The following ZFPM2 variants were observed in gnomAD, a reference collection of about 807,000 sequenced individuals.
The protein encoded by ZFPM2 is zinc finger protein ZFPM2.
In ZFPM2, 20 loss-of-function variants were observed where a neutral mutation model predicts 98.6. The ratio of observed to expected loss-of-function variants is 0.20; its 90% CI spans 0.14 to 0.29. The LOEUF (loss-of-function observed/expected upper bound fraction) is 0.29. Among genes scored for constraint, ZFPM2 ranks in the 10% least tolerant of loss-of-function variants. The pLI is 1.00. For synonymous variants in ZFPM2, 518 were observed against 502.7 expected (o/e 1.03, Z -0.41); for missense variants, 1,310 against 1,388.6 (o/e 0.94, Z 0.90).
Position 105,512,258 on chromosome 8 carries a change from T to G in ZFPM2, c.302-49105T>G, listed in dbSNP as rs562634560. Among the ~76,000 whole-genome samples, 45 of 152,212 alleles carry G rather than the reference T, an allele frequency of 3.0e-4. 1 individual carries two copies. The highest frequency in any genetic ancestry group is 5.7e-4 in the Non-Finnish European group (39 of 68,028). On this transcript the variant is annotated intron_variant, in intron 3 of 7. Coordinates refer to ENST00000407775, the MANE Select transcript of ZFPM2 (RefSeq NM_012082.4). ...AAAAATATTATTTATATTGCTTACATGTGAAGAGCATAGGTTTTGAAATCA... is the reference window on the plus strand; with the variant it reads ...AAAAATATTATTTATATTGCTTACAGGTGAAGAGCATAGGTTTTGAAATCA...
intron 4 of ZFPM2, among the ~76,000 whole-genome samples, chr8:105,563,355 A>G (rs913315626): frequency 3.9e-5 from 6 of 152,214 alleles, no homozygotes; most frequent in African/African-American, 1.2e-4. Flanking sequence ...ACTTTTAAAG[A>G]GTGCATGAGA....
intron 5 of ZFPM2, among the ~76,000 whole-genome samples, chr8:105,719,810 A>G (rs1486236431): frequency 3.9e-5 from 6 of 151,910 alleles, no homozygotes; most frequent in Admixed American, 1.3e-4. Flanking sequence ...TGAACAATAT[A>G]ATTAGTGGAC....
chr8:105,775,261 A>G (rs140967194), intron 5 of ZFPM2, among the ~76,000 whole-genome samples: 1 of 152,150 alleles, frequency 6.6e-6, no homozygotes, highest in East Asian at 1.9e-4. Flanking sequence ...ATGAACTTGT[A>G]TAATTTATTC....
At chr8:105,387,040 T>A (rs1811006265) in intron 1 of ZFPM2, 1 of 152,580 alleles carries the variant, frequency 6.6e-6, no homozygotes, top group Admixed American at 6.5e-5. Context: ...TTGGTGTATT[T>A]ACAATCCCTT....
intron 5 of ZFPM2, among the ~76,000 whole-genome samples, chr8:105,783,913 A>G (rs1647788614): frequency 6.6e-6 from 1 of 152,140 alleles, no homozygotes; most frequent in Non-Finnish European, 1.5e-5. Context: ...CAAAAGTAGA[A>G]TTGCTAAAAT....
chr8:105,525,401 G>A (rs1814153774), intron 3 of ZFPM2, among the ~76,000 whole-genome samples: 1 of 152,104 alleles, frequency 6.6e-6, no homozygotes, highest in South Asian at 2.1e-4. Context: ...AAAGGTGAGG[G>A]GGCTATTCCG....
At chr8:105,593,536 G>GCTGT (rs991277298) in intron 4 of ZFPM2, among the ~76,000 whole-genome samples, 3 of 151,786 alleles carry the variant, frequency 2.0e-5, no homozygotes, top group African/African-American at 7.3e-5. Context: ...TCCCAAATCT[G>GCTGT]CTGTCCGCAG....
intron 4 of ZFPM2, among the ~76,000 whole-genome samples, chr8:105,628,792 A>G (rs1484792835): frequency 2.0e-5 from 3 of 152,044 alleles, no homozygotes; most frequent in Non-Finnish European, 2.9e-5. Flanking sequence ...CCATCCTTCA[A>G]TTTGTTCATG....
At chr8:105,348,445 T>C (rs2957452) in intron 1 of ZFPM2, among the ~76,000 whole-genome samples, 126,172 of 152,192 alleles carry the variant, frequency 0.83, 52,470 homozygotes, top group East Asian at 0.97. Flanking sequence ...CAAATGCCAA[T>C]GTGTTTGTTT....
chr8:105,616,085 T>G (rs1358457456), intron 4 of ZFPM2, among the ~76,000 whole-genome samples: 1 of 152,042 alleles, frequency 6.6e-6, no homozygotes, highest in Non-Finnish European at 1.5e-5. Context: ...TCTGAAATGT[T>G]TATACTAGAT....
intron 5 of ZFPM2, among the ~76,000 whole-genome samples, chr8:105,729,908 T>C (rs1486926490): frequency 6.6e-6 from 1 of 151,158 alleles, no homozygotes; most frequent in East Asian, 2.0e-4. Flanking sequence ...ATACTATATA[T>C]ATTAAATATA....
rs528466430 is a variant in ZFPM2, at chr8:105,525,685, G to A, written c.302-35678G>A. On this transcript the variant is annotated intron_variant, in intron 3 of 7. Transcript: ENST00000407775. ...TGATTTTGTAATTTTAATGAAAATA[G>A]GCATAGCATGTAGAATTTAACATCC... is the stretch of plus-strand genomic sequence containing the variant. Among the ~76,000 whole-genome samples the A allele has an allele frequency of 3.9e-5, 6 of 152,274 alleles. No homozygotes were observed. The South Asian group carries it at 6.2e-4, about 16-fold the overall frequency.
intron 4 of ZFPM2, among the ~76,000 whole-genome samples, chr8:105,571,510 T>A (rs1008903481): frequency 6.6e-6 from 1 of 152,256 alleles, no homozygotes; most frequent in African/African-American, 2.4e-5. Context: ...TCCTCTGTTA[T>A]GTGCTGATAG....
At chr8:105,441,452 G>GAA (rs1554604939) in intron 2 of ZFPM2, among the ~76,000 whole-genome samples, 408 of 38,872 alleles carry the variant, frequency 0.01, 7 homozygotes, top group East Asian at 0.034. Flanking sequence ...GAGAGAGAGA[G>GAA]AGAAAGAAAG....
chr8:105,628,191 A>G (rs1033769455), intron 4 of ZFPM2, among the ~76,000 whole-genome samples: 1 of 152,198 alleles, frequency 6.6e-6, no homozygotes, highest in African/African-American at 2.4e-5. Flanking sequence ...TTCTAGTCAT[A>G]GATGCTACCA....
chr8:105,798,802 G>A lies in ZFPM2; in HGVS notation c.818G>A (p.Cys273Tyr). 1 of 1,613,918 alleles carries A rather than the reference G, an allele frequency of 6.2e-7. No homozygotes were observed. Among genetic ancestry groups the A allele is most frequent in the Non-Finnish European group, 8.5e-7 (1 of 1,179,866 alleles). Reference protein sequence around the residue: ...RNLQAHLMYYCSGRQREAAPV... With the variant: ...RNLQAHLMYYYSGRQREAAPV... Reference sequence around the variant, plus strand: ...CTGCAGGCCCATTTGATGTACTACTGCAGTGGGAGGCAAAGAGAAGCTGCT... The same window carrying A: ...CTGCAGGCCCATTTGATGTACTACTACAGTGGGAGGCAAAGAGAAGCTGCT... Residue 273 changes from cysteine (C) to tyrosine (Y), a missense_variant, in exon 7 of 8, where the codon TGC becomes TAC. Coordinates refer to ENST00000407775, the MANE Select transcript of ZFPM2 (RefSeq NM_012082.4).
chr8:105,361,633 A>T (rs1459470470), intron 1 of ZFPM2, among the ~76,000 whole-genome samples: 1 of 152,186 alleles, frequency 6.6e-6, no homozygotes, highest in Non-Finnish European at 1.5e-5. Flanking sequence ...AGTGTTATTT[A>T]AAAATGTAGA....
chr8:105,589,558 G>T (rs372693317), intron 4 of ZFPM2, among the ~76,000 whole-genome samples: 4 of 152,284 alleles, frequency 2.6e-5, no homozygotes, highest in African/African-American at 9.6e-5. Flanking sequence ...TAACATAAAA[G>T]AGTACTTTTT....
At chr8:105,612,736 C>T (rs948660431) in intron 4 of ZFPM2, among the ~76,000 whole-genome samples, 1 of 152,174 alleles carries the variant, frequency 6.6e-6, no homozygotes, top group African/African-American at 2.4e-5. Context: ...TTCTGTCTCC[C>T]TTGCTCTCTC....
Sources: gnomAD v4.1 joint callset for allele counts (sites outside exome capture counted in the v4.1 genomes callset) on GRCh38, gnomAD v4.1.1 for gene constraint, MANE v1.5 for transcripts, NCBI Gene and HGNC (gene_info 2026-07-23, HGNC 2026-07-21) for gene names.